Variants in CACNA1I observed in about 807,000 individuals in gnomAD.
CACNA1I encodes calcium voltage-gated channel subunit alpha1 I.
A neutral mutation model predicts 201.6 loss-of-function variants in CACNA1I; 74 were observed. The ratio of observed to expected loss-of-function variants is 0.37; its 90% CI spans 0.30 to 0.45. The LOEUF is 0.45. CACNA1I is among the 20% of genes least tolerant of loss of function. The probability of loss-of-function intolerance (pLI) is 1.00; values close to 1 mark genes in which losing one functional copy is unlikely to be tolerated. For missense variants in CACNA1I, 2,346 were observed against 3,138.1 expected (o/e 0.75, Z 6.03); for synonymous variants, 1,431 against 1,345.2 (o/e 1.06, Z -1.40).
chr22:39,639,391 G>A (rs1212892534), intron 5 of CACNA1I, among the ~76,000 whole-genome samples: 2 of 152,028 alleles, frequency 1.3e-5, no homozygotes, highest in Non-Finnish European at 2.9e-5. Context: ...TGGATTTTTT[G>A]TCTTAGCCAG....
intron 3 of CACNA1I, among the ~76,000 whole-genome samples, chr22:39,610,874 A>G (rs1197010702): frequency 6.6e-6 from 1 of 152,036 alleles, no homozygotes; most frequent in Non-Finnish European, 1.5e-5. Flanking sequence ...AGTTCCAATC[A>G]GTCCTGGGAA....
chr22:39,668,653 A>G (rs1324491936), intron 24 of CACNA1I, among the ~76,000 whole-genome samples: 1 of 152,206 alleles, frequency 6.6e-6, no homozygotes, highest in Non-Finnish European at 1.5e-5. Context: ...GGAAGGGTGC[A>G]GAGCCTGGTG....
chr22:39,646,773 C>A lies in CACNA1I; in HGVS notation c.1354C>A (p.Arg452Ser). The A allele has an allele frequency of 6.3e-7, 1 of 1,581,752 alleles. No homozygotes were observed. ...CCACATCCTGCGCAAGGCCAAGCGCCGCGCCCTGGGCCTCTACCAGGCCCT... is the reference window on the plus strand; with the variant it reads ...CCACATCCTGCGCAAGGCCAAGCGCAGCGCCCTGGGCCTCTACCAGGCCCT... Reference protein sequence around the residue: ...VCHILRKAKRRALGLYQALQS... With the variant: ...VCHILRKAKRSALGLYQALQS... The change falls in exon 8 of 37, where the codon CGC (arginine) becomes AGC (serine). Residue 452 changes from arginine (R) to serine (S), a missense_variant. Physicochemically the swap from Arg to Ser is moderately radical, Grantham distance 110. Around this residue, in one of 13 missense-constraint regions of CACNA1I, gnomAD observed 312 missense variants for 331.5 expected, o/e 0.94. Coordinates refer to ENST00000402142, the MANE Select transcript of CACNA1I (RefSeq NM_021096.4).
In CACNA1I at chr22:39,679,091, C is replaced by T. The variant is rs1273544768; in HGVS notation, c.5056-16C>T. 2.6e-6 allele frequency: 4 copies of T among 1,564,294 alleles called. No homozygotes were observed. The highest frequency in any genetic ancestry group is 3.5e-6 in the Non-Finnish European group (4 of 1,153,828). Reference sequence around the variant, plus strand: ...ATGTCTCCGTCCTCATCCTCACCGCCCTCCCTGCCACGCAGGACACGCTGC... The same window carrying T: ...ATGTCTCCGTCCTCATCCTCACCGCTCTCCCTGCCACGCAGGACACGCTGC... On this transcript the variant is annotated splice_polypyrimidine_tract_variant and intron_variant, in intron 31 of 36. Transcript: ENST00000402142.
chr22:39,618,132 T>G (rs1933601261), intron 3 of CACNA1I, among the ~76,000 whole-genome samples: 2 of 150,190 alleles, frequency 1.3e-5, no homozygotes, highest in Non-Finnish European at 3.0e-5. Context: ...TGTGGGTATG[T>G]GGTTGTGTGT....
Position 39,662,225 on chromosome 22 carries a change from C to T in CACNA1I, c.3162C>T (p.Arg1054=), listed in dbSNP as rs1398432404. ...TGGCGCACCGCCACCGCCACCACCG[C>T]CGGACGCTGTCCCTCGACAACAGGG... is the stretch of plus-strand genomic sequence containing the variant. ...PHLAHRHRHH[R]RTLSLDNRDS... Residue 1054 remains arginine (R), a synonymous_variant, in exon 17 of 37, where the codon CGC becomes CGT. Coordinates refer to ENST00000402142, the MANE Select transcript of CACNA1I (RefSeq NM_021096.4). 6.5e-7 allele frequency: 1 copy of T among 1,529,374 alleles called. No homozygotes were observed. The highest frequency in any genetic ancestry group is 8.8e-7 in the Non-Finnish European group (1 of 1,142,166). The allele number at this position is 1,529,374 out of a possible 1,614,324, so 94.7% of individuals were successfully genotyped here. A position where few individuals can be genotyped will look rare whatever the true frequency, so the allele number is the denominator to read the frequency against.
intron 15 of CACNA1I, 59 bp from the exon 16 acceptor site, chr22:39,661,049 C>T: frequency 1.5e-6 from 2 of 1,355,782 alleles, no homozygotes; most frequent in Non-Finnish European, 2.1e-6. Context: ...GGCTCCCTTG[C>T]TGTTGTTCTG....
At chr22:39,616,327 G>A (rs1933535356) in intron 3 of CACNA1I, among the ~76,000 whole-genome samples, 1 of 152,174 alleles carries the variant, frequency 6.6e-6, no homozygotes, top group Non-Finnish European at 1.5e-5. Flanking sequence ...TGGGGTCTGG[G>A]AGGTGTTCAG....
intron 10 of CACNA1I, among the ~76,000 whole-genome samples, chr22:39,657,830 T>G (rs1193852336): frequency 1.3e-5 from 2 of 152,242 alleles, no homozygotes; most frequent in Non-Finnish European, 2.9e-5. Flanking sequence ...CAGGCTGGCC[T>G]CCAAGCCTCT....
chr22:39,635,710 T>C (rs1934197771), intron 5 of CACNA1I, among the ~76,000 whole-genome samples: 1 of 152,008 alleles, frequency 6.6e-6, no homozygotes, highest in Non-Finnish European at 1.5e-5. Context: ...AGGCAGGGCC[T>C]GGGGCAGTGG....
rs1233896399 is a variant in CACNA1I, at chr22:39,679,775, G to A, written c.5448G>A (p.Gly1816=). 1.2e-6 allele frequency: 2 copies of A among 1,613,032 alleles called. No individual in the cohort carries two copies. Among genetic ancestry groups the A allele is most frequent in the African/African-American group, 1.3e-5 (1 of 75,036 alleles). ...VSLIIKDSLE[G]ELTIIDNLSG... is the part of the protein sequence containing the mutation. ...TAATCATCAAGGACTCCTTGGAGGG[G>A]GAGCTGACCATCATCGACAACCTGT... Residue 1816 remains glycine, a synonymous_variant, in exon 33 of 37, where the codon GGG becomes GGA. Transcript: ENST00000402142.
chr22:39,673,986 A>G lies in CACNA1I; in HGVS notation c.4807A>G (p.Thr1603Ala). The G allele has an allele frequency of 6.2e-7, 1 of 1,613,396 alleles. No individual in the cohort carries two copies. Among genetic ancestry groups the G allele is most frequent in the Non-Finnish European group, 8.5e-7 (1 of 1,179,868 alleles). The change falls in exon 29 of 37, where the codon ACA (threonine) becomes GCA (alanine). Residue 1603 changes from threonine (T) to alanine (A), a missense_variant. Around this residue, in one of 13 missense-constraint regions of CACNA1I, gnomAD observed 228 missense variants for 395.7 expected, o/e 0.58. Transcript: ENST00000402142. ...ARVLKLLKMA[T>A]GMRALLDTVV... ...AGTGCTGAAGCTGTTGAAGATGGCC[A>G]CAGGAATGCGGGCCCTGCTGGACAC...
chr22:39,653,108 G>A (rs1350800499), intron 10 of CACNA1I, among the ~76,000 whole-genome samples: 1 of 101,574 alleles, frequency 9.8e-6, no homozygotes, highest in Non-Finnish European at 1.9e-5. Flanking sequence ...GGCTAAGAGG[G>A]CTGACTGCAT....
At chr22:39,628,695 A>T (rs1407832748) in intron 4 of CACNA1I, among the ~76,000 whole-genome samples, 1 of 151,956 alleles carries the variant, frequency 6.6e-6, no homozygotes, top group African/African-American at 2.4e-5. Context: ...CTTGGTGCCC[A>T]CTGTGCTCCT....
At chr22:39,572,839 C>A (rs1208128963) in intron 1 of CACNA1I, among the ~76,000 whole-genome samples, 3 of 152,046 alleles carry the variant, frequency 2.0e-5, no homozygotes, top group Non-Finnish European at 4.4e-5. Flanking sequence ...TCACTGCAAC[C>A]TCCGCCTCCC....
At position 39,587,353 on chromosome 22, in the gene CACNA1I, G is replaced by A. The variant is rs141264850; in HGVS notation, c.237-10798G>A. On this transcript the variant is annotated intron_variant, in intron 1 of 36. Coordinates refer to ENST00000402142, the MANE Select transcript of CACNA1I (RefSeq NM_021096.4). ...AACCAATCATGCCATTTGTCATGTG[G>A]GGAGTTCCTTGTCGCTGGAGGCATG... Among the ~76,000 whole-genome samples, 43 of 152,294 alleles carry A rather than the reference G, an allele frequency of 2.8e-4. 1 individual carries two copies. In the Middle Eastern group the frequency reaches 0.01, roughly 36 times the overall value.
chr22:39,663,610 C>T, intron 18 of CACNA1I, 108 bp from the exon 19 acceptor site: 2 of 1,359,168 alleles, frequency 1.5e-6, no homozygotes, highest in Non-Finnish European at 1.0e-6. Context: ...ATAGGGGTTG[C>T]TTCCTCGAGG....
intron 1 of CACNA1I, among the ~76,000 whole-genome samples, chr22:39,596,209 A>G (rs1243436820): frequency 8.2e-4 from 4 of 4,860 alleles, no homozygotes; most frequent in Admixed American, 2.8e-3. Flanking sequence ...CAGGGCGGAG[A>G]GAGATGGCGG....
chr22:39,655,926 C>T (rs577313138), intron 10 of CACNA1I, among the ~76,000 whole-genome samples: 26 of 152,286 alleles, frequency 1.7e-4, no homozygotes, highest in African/African-American at 3.9e-4. Context: ...GTGTGCGTGG[C>T]GCGCGCGGCT....
Sources: gnomAD v4.1 joint callset for allele counts (sites outside exome capture counted in the v4.1 genomes callset) on GRCh38, gnomAD v4.1.1 for gene constraint, gnomAD v4.1.1 regional missense constraint, MANE v1.5 for transcripts, NCBI Gene and HGNC (gene_info 2026-07-23, HGNC 2026-07-21) for gene names.